Variants in SCOC observed in about 807,000 individuals in gnomAD.
The protein encoded by SCOC is short coiled-coil protein.
A neutral mutation model predicts 9.9 loss-of-function variants in SCOC; 7 were observed. The ratio of observed to expected loss-of-function variants is 0.71; its 90% confidence interval spans 0.40 to 1.33. The LOEUF is 1.33. Among genes scored for constraint, SCOC ranks in the 40% most tolerant of loss-of-function variants. The pLI is 0.01. For synonymous variants in SCOC, 19 were observed against 28.2 expected, an observed-to-expected ratio of 0.67 and a Z score of 1.03; for missense variants, 66 against 89.7, an observed-to-expected ratio of 0.74 and a Z score of 1.07.
intron 1 of SCOC, among the ~76,000 whole-genome samples, chr4:140,375,713 C>T (rs539002338): frequency 6.6e-6 from 1 of 152,316 alleles, no homozygotes; most frequent in South Asian, 2.1e-4. Flanking sequence ...ATGCGTTCTG[C>T]CTCCTGGACT....
At chr4:140,281,691 C>CT (rs1731100260) in intron 1 of SCOC, among the ~76,000 whole-genome samples, 1 of 152,180 alleles carries the variant, frequency 6.6e-6, no homozygotes, top group African/African-American at 2.4e-5. Context: ...TCAGGACCAC[C>CT]TGGGGCAGGG....
At chr4:140,378,052 A>G (rs1728415878) in intron 1 of SCOC, among the ~76,000 whole-genome samples, 1 of 152,172 alleles carries the variant, frequency 6.6e-6, no homozygotes, top group Non-Finnish European at 1.5e-5. Flanking sequence ...CATGTTTTAT[A>G]GAAATTTTTT....
At position 140,382,892 on chromosome 4, in the gene SCOC, G is replaced by A. The variant is rs1015992968; in HGVS notation, c.*1788G>A. On this transcript the variant is annotated 3_prime_UTR_variant, in exon 4 of 4. Coordinates refer to ENST00000608372, the MANE Select transcript of SCOC (RefSeq NM_001153484.2). ...ATAGAAGTTTCTCTCCCAACCAGTG[G>A]TTCCAAGGTCAGCATTGCAGGCTAG... 6.6e-6 allele frequency: 1 copy of A among 152,214 alleles called. No homozygotes were observed. Among genetic ancestry groups the A allele is most frequent in the African/African-American group, 2.4e-5 (1 of 41,442 alleles). 9.4% of individuals were successfully genotyped at this position (152,214 alleles called of 1,614,324 possible).
intron 1 of SCOC, among the ~76,000 whole-genome samples, chr4:140,258,277 C>A (rs1730554827): frequency 1.3e-5 from 2 of 152,142 alleles, no homozygotes; most frequent in African/African-American, 4.8e-5. Flanking sequence ...CAGATTTTAC[C>A]CATATCAAAT....
chr4:140,259,947 G>C (rs186129185), intron 1 of SCOC, among the ~76,000 whole-genome samples: 1 of 152,068 alleles, frequency 6.6e-6, no homozygotes, highest in Admixed American at 6.6e-5. Context: ...TCCTGGATAC[G>C]CCCTTCCTTT....
intron 1 of SCOC, among the ~76,000 whole-genome samples, chr4:140,313,548 G>A (rs181770589): frequency 7.9e-5 from 12 of 152,262 alleles, no homozygotes; most frequent in East Asian, 3.9e-4. Flanking sequence ...GACTGTGCCC[G>A]GCGGAAATAT....
intron 1 of SCOC, among the ~76,000 whole-genome samples, chr4:140,320,544 AG>A (rs1247199460): frequency 6.6e-6 from 1 of 152,160 alleles, no homozygotes; most frequent in Admixed American, 6.6e-5. Flanking sequence ...GAGAGTGTGA[AG>A]TCCCAGGGGC....
At chr4:140,313,430 TTAA>T (rs1313733902) in intron 1 of SCOC, among the ~76,000 whole-genome samples, 1 of 152,156 alleles carries the variant, frequency 6.6e-6, no homozygotes, top group Non-Finnish European at 1.5e-5. Context: ...TTTTGTACTT[TTAA>T]TAGAGATGGG....
intron 2 of SCOC, among the ~76,000 whole-genome samples, chr4:140,362,023 ATCAGCC>A (rs1406136170): frequency 5.9e-5 from 9 of 151,806 alleles, no homozygotes; most frequent in Non-Finnish European, 1.2e-4. Flanking sequence ...ATTGGTTGTC[ATCAGCC>A]TTTAGAGCAG....
chr4:140,257,487 G>A (rs1578747308), intron 1 of SCOC: 1 of 152,266 alleles, frequency 6.6e-6, no homozygotes, highest in East Asian at 1.9e-4. Flanking sequence ...TATTTAAGGG[G>A]GAGGTTTGGG....
chr4:140,366,250 CT>C, intron 2 of SCOC: 1 of 1,258,888 alleles, frequency 7.9e-7, no homozygotes, highest in Non-Finnish European at 1.0e-6. Flanking sequence ...TTGCCAAACG[CT>C]TTTGGAGCAG....
intron 1 of SCOC, among the ~76,000 whole-genome samples, chr4:140,276,954 C>G (rs955985685): frequency 2.0e-4 from 30 of 152,160 alleles, no homozygotes; most frequent in Non-Finnish European, 4.0e-4. Context: ...TAATATTACT[C>G]TCTCTCCTCA....
intron 1 of SCOC, among the ~76,000 whole-genome samples, chr4:140,315,850 A>G (rs1273689692): frequency 6.6e-6 from 1 of 152,070 alleles, no homozygotes; most frequent in Non-Finnish European, 1.5e-5. Flanking sequence ...AGGGGAGAGA[A>G]GATGTGCTAT....
intron 2 of SCOC, among the ~76,000 whole-genome samples, chr4:140,362,273 C>CTCTTCTTCTTCTTCTT: frequency 1.4e-4 from 4 of 29,088 alleles, no homozygotes; most frequent in Admixed American, 3.4e-4. Context: ...ACAGGTGTGT[C>CTCTTCTTCTTCTTCTT]CTTACTTCTT....
chr4:140,345,969 C>G (rs755579476), intron 2 of SCOC, among the ~76,000 whole-genome samples: 1 of 152,230 alleles, frequency 6.6e-6, no homozygotes, highest in African/African-American at 2.4e-5. Context: ...ATCTTTACAA[C>G]ATCATCATGA....
intron 1 of SCOC, among the ~76,000 whole-genome samples, chr4:140,335,632 T>C (rs957627830): frequency 2.6e-5 from 4 of 152,186 alleles, no homozygotes; most frequent in African/African-American, 9.7e-5. Flanking sequence ...AATCTCCTGA[T>C]TGCATACACT....
chr4:140,380,093 C>T (rs999903410), intron 3 of SCOC, among the ~76,000 whole-genome samples: 1 of 151,794 alleles, frequency 6.6e-6, no homozygotes, highest in African/African-American at 2.4e-5. Context: ...TTTGGTGCCA[C>T]AGTGAGCAGA....
chr4:140,339,841 A>G (rs1726433312), upstream of SCOC, among the ~76,000 whole-genome samples: 3 of 152,212 alleles, frequency 2.0e-5, no homozygotes, highest in African/African-American at 7.2e-5. Flanking sequence ...GAACACTTTT[A>G]CACTGTTGGT....
rs556049916 is a variant in SCOC, at chr4:140,362,223, T to G, written c.71-16898T>G. ...CTAACTATCCTGGTAATTACTAATTTTAAGCAATTGTTTTAAAACAAACTA... is the reference window on the plus strand; with the variant it reads ...CTAACTATCCTGGTAATTACTAATTGTAAGCAATTGTTTTAAAACAAACTA... On this transcript the variant is annotated intron_variant, in intron 2 of 4. Transcript: ENST00000338517. Among the ~76,000 whole-genome samples the G allele has an allele frequency of 3.8e-5, 4 of 106,528 alleles. No individual in the cohort carries two copies. The South Asian group carries it at 1.7e-3, about 46-fold the overall frequency. 69.9% of individuals were successfully genotyped at this position (106,528 alleles called of 152,430 possible).
Sources: allele counts gnomAD v4.1 joint callset (sites outside exome capture counted in the v4.1 genomes callset), GRCh38; gene constraint gnomAD v4.1.1; transcripts MANE v1.5; gene names NCBI Gene and HGNC (gene_info 2026-07-23, HGNC 2026-07-21).